The following RBFOX1 variants were observed in gnomAD, a reference collection of about 807,000 sequenced individuals.
The protein encoded by RBFOX1 is RNA binding fox-1 homolog 1.
A neutral mutation model predicts 57.7 loss-of-function variants in RBFOX1; 8 were observed. The observed-to-expected ratio is 0.14, with a 90% CI of 0.08 to 0.25. The LOEUF is 0.25. RBFOX1 is among the 10% of genes least tolerant of loss of function. The pLI is 1.00. For missense variants in RBFOX1, 611 were observed against 548.5 expected, an observed-to-expected ratio of 1.11 and a Z score of -1.14; for synonymous variants, 326 against 222.4, an observed-to-expected ratio of 1.47 and a Z score of -4.15.
At chr16:5,474,949 A>AT (rs2069269589) in intron 2 of RBFOX1, among the ~76,000 whole-genome samples, 1 of 152,198 alleles carries the variant, frequency 6.6e-6, no homozygotes, top group Non-Finnish European at 1.5e-5. Context: ...AGCTTGGCTG[A>AT]TGCATCCTAC....
intron 4 of RBFOX1, among the ~76,000 whole-genome samples, chr16:5,873,156 A>C (rs2057517539): frequency 6.7e-6 from 1 of 149,046 alleles, no homozygotes; most frequent in Admixed American, 6.7e-5. Context: ...ATCTCAAAAC[A>C]AAGAAACAAA....
At chr16:6,818,146 C>G (rs946174936) in intron 3 of RBFOX1, among the ~76,000 whole-genome samples, 3 of 152,118 alleles carry the variant, frequency 2.0e-5, no homozygotes, top group African/African-American at 7.2e-5. Flanking sequence ...CTAGGTTCCT[C>G]TGGTAGAGTA....
intron 4 of RBFOX1, among the ~76,000 whole-genome samples, chr16:7,494,523 TAAC>T (rs558560038): frequency 1.7e-3 from 253 of 152,320 alleles, no homozygotes; most frequent in Admixed American, 4.0e-3. Flanking sequence ...TTCGCTTAAA[TAAC>T]AATAACAGCA....
intron 1 of RBFOX1, among the ~76,000 whole-genome samples, chr16:6,226,031 TC>T (rs2097414595): frequency 6.6e-6 from 1 of 152,066 alleles, no homozygotes; most frequent in African/African-American, 2.4e-5. Context: ...TTCCTGCAGT[TC>T]CTTTCCAAAG....
intron 4 of RBFOX1, among the ~76,000 whole-genome samples, chr16:7,292,070 A>G (rs1419221922): frequency 1.3e-5 from 1 of 75,722 alleles, no homozygotes; most frequent in African/African-American, 4.9e-5. Flanking sequence ...TATATTATAT[A>G]TAGAATATAT....
chr16:5,842,192 A>G (rs983917291), intron 3 of RBFOX1, among the ~76,000 whole-genome samples: 1 of 152,226 alleles, frequency 6.6e-6, no homozygotes, highest in Admixed American at 6.5e-5. Flanking sequence ...AAGGCGCCTC[A>G]AACATGTTAA....
chr16:6,128,379 T>C (rs966025962), intron 1 of RBFOX1, among the ~76,000 whole-genome samples: 4 of 152,204 alleles, frequency 2.6e-5, no homozygotes, highest in Non-Finnish European at 1.5e-5. Flanking sequence ...TGATACCAGG[T>C]TGGTCCTCAG....
chr16:6,086,013 C>T (rs1274499999), intron 1 of RBFOX1, among the ~76,000 whole-genome samples: 1 of 152,044 alleles, frequency 6.6e-6, no homozygotes, highest in African/African-American at 2.4e-5. Flanking sequence ...GTGATGTTCC[C>T]CTCCCTGTGT....
intron 3 of RBFOX1, among the ~76,000 whole-genome samples, chr16:5,685,774 C>A (rs55783416): frequency 0.024 from 3,646 of 152,268 alleles, 149 homozygotes; most frequent in African/African-American, 0.082. Flanking sequence ...GCCCTCTTTG[C>A]AGAACAAGTT....
At chr16:7,194,676 C>T (rs141397520) in intron 4 of RBFOX1, among the ~76,000 whole-genome samples, 3 of 152,008 alleles carry the variant, frequency 2.0e-5, no homozygotes, top group African/African-American at 4.8e-5. Flanking sequence ...GTCTGTAATC[C>T]CAGCAATTTT....
intron 2 of RBFOX1, among the ~76,000 whole-genome samples, chr16:6,377,986 G>A (rs908689649): frequency 3.3e-5 from 5 of 152,098 alleles, no homozygotes; most frequent in South Asian, 2.1e-4. Flanking sequence ...GTGCTTCATC[G>A]TCCTTTAAAA....
chr16:7,706,126 C>G lies in RBFOX1; in HGVS notation c.996-2930C>G, dbSNP rs577524709. ...GCATATCTGCTGCAAACGTAGCACT[C>G]AAGTCCACATCTTCCCCAATAACCT... is the stretch of plus-strand genomic sequence containing the variant. On this transcript the variant is annotated intron_variant, in intron 14 of 15. Coordinates refer to ENST00000550418, the MANE Select transcript of RBFOX1 (RefSeq NM_018723.4). 5.9e-5 allele frequency among the ~76,000 whole-genome samples: 9 copies of G among 152,262 alleles called. No homozygotes were observed. In the South Asian group the frequency reaches 1.9e-3, roughly 32 times the overall value.
intron 1 of RBFOX1, among the ~76,000 whole-genome samples, chr16:6,208,464 G>T (rs1341026844): frequency 6.6e-6 from 1 of 152,124 alleles, no homozygotes; most frequent in Non-Finnish European, 1.5e-5. Context: ...ATTTAGTGGA[G>T]GGTAAGCCCA....
chr16:7,472,336 A>G (rs947815306), intron 4 of RBFOX1, among the ~76,000 whole-genome samples: 1 of 152,076 alleles, frequency 6.6e-6, no homozygotes, highest in Non-Finnish European at 1.5e-5. Context: ...GGAGGAGGGG[A>G]TCTTCGTCAA....
intron 14 of RBFOX1, among the ~76,000 whole-genome samples, chr16:7,685,897 G>C (rs2075960283): frequency 6.6e-6 from 1 of 151,974 alleles, no homozygotes; most frequent in Admixed American, 6.6e-5. Context: ...CATTGCTGTT[G>C]ATACAGAGAA....
intron 3 of RBFOX1, among the ~76,000 whole-genome samples, chr16:6,779,585 C>A (rs909938159): frequency 6.7e-6 from 1 of 148,640 alleles, no homozygotes; most frequent in Non-Finnish European, 1.5e-5. Context: ...TTTGAAGAAC[C>A]TCCATACTAT....
intron 14 of RBFOX1, 73 bp from the exon 15 acceptor site, chr16:7,708,983 T>G: frequency 7.0e-7 from 1 of 1,424,284 alleles, no homozygotes; most frequent in Non-Finnish European, 9.9e-7. Context: ...GTCTTGGTAT[T>G]TTGGATTTTA....
At chr16:5,478,051 C>A (rs1430470511) in intron 2 of RBFOX1, among the ~76,000 whole-genome samples, 1 of 152,170 alleles carries the variant, frequency 6.6e-6, no homozygotes, top group Non-Finnish European at 1.5e-5. Context: ...GATCCACACA[C>A]CATGGAGCTG....
At position 6,495,175 on chromosome 16, in the gene RBFOX1, G is replaced by A. The variant is rs2095734927; in HGVS notation, c.-63-159428G>A. Reference sequence around the variant, plus strand: ...ACTCTTTCACCCATGCGGGAGTGAAGTGGTGGAATCTCGGCTCATTGCAAC... The same window carrying A: ...ACTCTTTCACCCATGCGGGAGTGAAATGGTGGAATCTCGGCTCATTGCAAC... On this transcript the variant is annotated intron_variant, in intron 2 of 15. Coordinates refer to ENST00000550418, the MANE Select transcript of RBFOX1 (RefSeq NM_018723.4). Among the ~76,000 whole-genome samples the A allele has an allele frequency of 2.0e-5, 3 of 152,248 alleles. No homozygotes were observed. The South Asian group carries it at 6.2e-4, about 32-fold the overall frequency.
Sources: allele counts gnomAD v4.1 joint callset (sites outside exome capture counted in the v4.1 genomes callset), GRCh38; gene constraint gnomAD v4.1.1; transcripts MANE v1.5; gene names NCBI Gene and HGNC (gene_info 2026-07-23, HGNC 2026-07-21).